SYCP1: variants seen among roughly 807,000 people sequenced by gnomAD.
SYCP1 encodes synaptonemal complex protein 1, also known as cancer/testis antigen 8.
A neutral mutation model predicts 153.1 loss-of-function variants in SYCP1; 64 were observed. The ratio of observed to expected loss-of-function variants is 0.42; its 90% CI spans 0.34 to 0.51. The LOEUF is 0.51. Ranked by LOEUF, SYCP1 falls within the 20% of genes least tolerant of loss-of-function variation. The probability of loss-of-function intolerance (pLI) is 0.06; values close to 1 mark genes in which losing one functional copy is unlikely to be tolerated. For synonymous variants in SYCP1, 384 were observed against 341.8 expected (o/e 1.12, Z -1.36); for missense variants, 997 against 1,049.0 (o/e 0.95, Z 0.68).
intron 8 of SYCP1, among the ~76,000 whole-genome samples, chr1:114,871,642 G>A (rs191857645): frequency 1.9e-4 from 29 of 152,176 alleles, no homozygotes; most frequent in African/African-American, 7.0e-4. Context: ...GCATGATCCT[G>A]GCTCACTGCA....
chr1:114,858,768 T>C, intron 6 of SYCP1, 57 bp downstream of exon 6: 1 of 1,384,162 alleles, frequency 7.2e-7, no homozygotes, highest in Non-Finnish European at 9.9e-7. Flanking sequence ...ATAATACTGT[T>C]GAAAGTAGAG....
chr1:114,885,681 T>A, intron 13 of SYCP1, 52 bp downstream of exon 13: 1 of 1,045,084 alleles, frequency 9.6e-7, no homozygotes, highest in Non-Finnish European at 1.4e-6. Flanking sequence ...TATCAATCAG[T>A]CAACAAATAT....
intron 16 of SYCP1, among the ~76,000 whole-genome samples, chr1:114,895,908 T>C (rs1476400187): frequency 6.6e-6 from 1 of 152,058 alleles, no homozygotes; most frequent in African/African-American, 2.4e-5. Flanking sequence ...TAGGGTAAAA[T>C]TTCATTGTAT....
At chr1:114,916,498 AT>A (rs1418923126) in intron 20 of SYCP1, among the ~76,000 whole-genome samples, 1 of 151,990 alleles carries the variant, frequency 6.6e-6, no homozygotes, top group Non-Finnish European at 1.5e-5. Context: ...TTATTAATTT[AT>A]TGATAATTTA....
intron 24 of SYCP1, among the ~76,000 whole-genome samples, 157 bp downstream of exon 24, chr1:114,944,612 A>G (rs1285527656): frequency 6.6e-6 from 1 of 151,860 alleles, no homozygotes; most frequent in Non-Finnish European, 1.5e-5. Flanking sequence ...GTTTTTATAG[A>G]AACTAAAAGT....
chr1:114,914,978 G>C lies in SYCP1; in HGVS notation c.1718+933G>C, dbSNP rs550225285. Among the ~76,000 whole-genome samples the C allele has an allele frequency of 5.9e-5, 9 of 151,720 alleles. No homozygotes were observed. In the South Asian group the frequency reaches 1.9e-3, roughly 32 times the overall value. On this transcript the variant is annotated intron_variant, in intron 20 of 31. Coordinates refer to ENST00000369522, the MANE Select transcript of SYCP1 (RefSeq NM_003176.4). The stretch of plus-strand genomic sequence containing the variant: ...CTATCAAGACACAGGATTTTTTCAC[G>C]AGAGGCAACCTGGGCTTTGCAGTTA...
chr1:114,875,802 A>G (rs977357068), intron 9 of SYCP1, among the ~76,000 whole-genome samples: 4 of 152,208 alleles, frequency 2.6e-5, no homozygotes, highest in Non-Finnish European at 5.9e-5. Flanking sequence ...ACATGCTATT[A>G]AGTAAATGGC....
intron 15 of SYCP1, among the ~76,000 whole-genome samples, chr1:114,888,994 T>C (rs1666506227): frequency 6.6e-6 from 1 of 152,134 alleles, no homozygotes; most frequent in South Asian, 2.1e-4. Flanking sequence ...CTGAGAATGA[T>C]GGTTTCCAGC....
chr1:114,974,656 T>C (rs1672699130), intron 27 of SYCP1, among the ~76,000 whole-genome samples: 1 of 151,834 alleles, frequency 6.6e-6, no homozygotes. Context: ...TGTTGTAGTA[T>C]GTAACAGGAT....
At chr1:114,928,076 C>T (rs2101747385) in intron 23 of SYCP1, among the ~76,000 whole-genome samples, 1 of 152,266 alleles carries the variant, frequency 6.6e-6, no homozygotes, top group African/African-American at 2.4e-5. Context: ...CTGCCTCAGC[C>T]TCCCAAATTG....
chr1:114,978,152 C>A (rs1238277811), intron 28 of SYCP1, among the ~76,000 whole-genome samples: 1 of 151,370 alleles, frequency 6.6e-6, no homozygotes, highest in East Asian at 1.9e-4. Flanking sequence ...CTGGAGAATG[C>A]AGTTTATATT....
At chr1:114,989,891 G>C (rs1022554031) in intron 30 of SYCP1, among the ~76,000 whole-genome samples, 1 of 151,914 alleles carries the variant, frequency 6.6e-6, no homozygotes, top group Non-Finnish European at 1.5e-5. Flanking sequence ...GAAACAGACA[G>C]TTCTAAAATA....
Position 114,878,222 on chromosome 1 carries a change from A to G in SYCP1, c.910+20A>G, listed in dbSNP as rs371256659. 8.1e-4 allele frequency: 1,126 copies of G among 1,388,166 alleles called. 6 individuals carry two copies. The highest frequency in any genetic ancestry group is 2.1e-3 in the South Asian group (175 of 82,286). 86.0% of individuals were successfully genotyped at this position (1,388,166 alleles called of 1,614,324 possible). A position where few individuals can be genotyped will look rare whatever the true frequency, so the allele number is the denominator to read the frequency against. ...AGACAAGTAAGAGTTTATATAAGAT[A>G]ATATAATGTGCCTTATGTATTCCTC... On this transcript the variant is annotated intron_variant, in intron 12 of 31. Coordinates refer to ENST00000369522, the MANE Select transcript of SYCP1 (RefSeq NM_003176.4).
At chr1:114,962,044 T>C (rs1671817124) in intron 27 of SYCP1, among the ~76,000 whole-genome samples, 1 of 151,186 alleles carries the variant, frequency 6.6e-6, no homozygotes, top group African/African-American at 2.4e-5. Context: ...GTGACACAAT[T>C]TCGGCTCACT....
At chr1:114,910,190 A>C (rs1318608150) in intron 16 of SYCP1, 1 of 336,720 alleles carries the variant, frequency 3.0e-6, no homozygotes. Flanking sequence ...TAAACAATTA[A>C]TTATTGTGTT....
At chr1:114,857,165 A>AAT in intron 3 of SYCP1, 67 bp from the exon 4 acceptor site, 2 of 1,146,120 alleles carry the variant, frequency 1.7e-6, no homozygotes, top group South Asian at 1.6e-5. Flanking sequence ...AAAGAGAAAA[A>AAT]AGAAAAAAAA....
At chr1:114,882,618 G>T (rs1044259605) in intron 12 of SYCP1, among the ~76,000 whole-genome samples, 2 of 151,354 alleles carry the variant, frequency 1.3e-5, no homozygotes, top group South Asian at 2.1e-4. Context: ...ATAGTTTTTA[G>T]TCAAAGTACC....
At chr1:114,887,504 T>C (rs773942243) in intron 14 of SYCP1, 122 bp from the exon 15 acceptor site, 39 of 518,076 alleles carry the variant, frequency 7.5e-5, no homozygotes, top group Non-Finnish European at 8.1e-5. Context: ...TAATAAATGT[T>C]TAACAATCCA....
rs770077137 is a variant in SYCP1, at chr1:114,911,534, A to G, written c.1481A>G (p.Tyr494Cys). Reference protein sequence around the residue: ...QLTAITTSEQYYSKEVKDLKT... With the variant: ...QLTAITTSEQCYSKEVKDLKT... ...ACTGCCATTACCACAAGTGAACAGT[A>G]TTATTCAAAAGAGGTTAAAGATCTA... Residue 494 changes from tyrosine (Y) to cysteine (C), a missense_variant, in exon 18 of 32, where the codon TAT becomes TGT. Tyr to Cys is a radical substitution (Grantham distance 194). Coordinates refer to ENST00000369522, the MANE Select transcript of SYCP1 (RefSeq NM_003176.4). 6.4e-7 allele frequency: 1 copy of G among 1,554,402 alleles called. No homozygotes were observed. The highest frequency in any genetic ancestry group is 1.3e-5 in the South Asian group (1 of 77,928).
Sources: gnomAD v4.1 joint callset for allele counts (sites outside exome capture counted in the v4.1 genomes callset) on GRCh38, gnomAD v4.1.1 for gene constraint, MANE v1.5 for transcripts, NCBI Gene and HGNC (gene_info 2026-07-23, HGNC 2026-07-21) for gene names.